The following TRAPPC9 variants were observed in gnomAD, a reference collection of about 807,000 sequenced individuals.
The protein encoded by TRAPPC9 is IKK2 binding protein.
A neutral mutation model predicts 124.0 loss-of-function variants in TRAPPC9; 83 were observed. The ratio of observed to expected loss-of-function variants is 0.67; its 90% confidence interval spans 0.56 to 0.80. TRAPPC9 has a LOEUF of 0.80. Ranked by LOEUF, TRAPPC9 falls within the 30% of genes least tolerant of loss-of-function variation. The pLI is 0.00. For synonymous variants in TRAPPC9, 638 were observed against 617.5 expected (o/e 1.03, Z -0.49); for missense variants, 1,302 against 1,508.3 (o/e 0.86, Z 2.27).
intron 10 of TRAPPC9, among the ~76,000 whole-genome samples, chr8:140,305,941 TG>T (rs2066117446): frequency 2.0e-5 from 3 of 152,252 alleles, no homozygotes; most frequent in Non-Finnish European, 4.4e-5. Flanking sequence ...ACAAGACTAC[TG>T]AACAAAAGCC....
At position 140,438,927 on chromosome 8, in the gene TRAPPC9, T is replaced by C. The variant is rs114562350; in HGVS notation, c.730+125A>G. 2.4e-3 allele frequency: 2,825 copies of C among 1,155,236 alleles called. 29 individuals are homozygous for C. The African/African-American group carries it at 0.029, about 12-fold the overall frequency. 71.6% of individuals were successfully genotyped at this position (1,155,236 alleles called of 1,614,324 possible). A position where few individuals can be genotyped will look rare whatever the true frequency, so the allele number is the denominator to read the frequency against. ...GGATGGTCTCAATCTCTTGACCTCA[T>C]ATTTGGCCTGCCGTAGCCTCCCAAA... is the stretch of plus-strand genomic sequence containing the variant. On this transcript the variant is annotated intron_variant, in intron 3 of 22. Transcript: ENST00000438773.
At chr8:140,222,792 A>G (rs565293452) in intron 16 of TRAPPC9, among the ~76,000 whole-genome samples, 29 of 152,360 alleles carry the variant, frequency 1.9e-4, no homozygotes, top group African/African-American at 6.5e-4. Context: ...GGAGAAGTCT[A>G]CCTATGAGTA....
chr8:140,438,724 C>T (rs1192360863), intron 3 of TRAPPC9, among the ~76,000 whole-genome samples: 4 of 152,034 alleles, frequency 2.6e-5, no homozygotes, highest in African/African-American at 9.6e-5. Flanking sequence ...GATGGAGTCT[C>T]GCTCTGTTGC....
chr8:139,958,928 C>CAGGGGAGCCCTGCATTCCGAGTCACAT (rs1835179625), intron 19 of TRAPPC9, among the ~76,000 whole-genome samples: 24,487 of 116,666 alleles, frequency 0.21, 3,716 homozygotes, highest in East Asian at 0.51. Flanking sequence ...CCGAGTCACA[C>CAGGGGAGCCCTGCATTCCGAGTCACAT]GGGGGAGCAC....
chr8:140,107,216 A>G (rs779245053), intron 17 of TRAPPC9, among the ~76,000 whole-genome samples: 1 of 152,204 alleles, frequency 6.6e-6, no homozygotes, highest in Admixed American at 6.5e-5. Context: ...GGTTCAATTC[A>G]AATCCCCTCC....
intron 10 of TRAPPC9, among the ~76,000 whole-genome samples, chr8:140,305,100 G>A (rs1022375420): frequency 6.6e-6 from 1 of 152,206 alleles, no homozygotes; most frequent in African/African-American, 2.4e-5. Flanking sequence ...TTTCCCCAGT[G>A]TGACTGATAC....
intron 21 of TRAPPC9, among the ~76,000 whole-genome samples, chr8:139,866,150 C>T (rs1828522639): frequency 6.6e-6 from 1 of 152,196 alleles, no homozygotes; most frequent in Non-Finnish European, 1.5e-5. Context: ...TCTTATCATG[C>T]TGATGAAGCT....
chr8:139,990,419 G>A (rs1563670530), intron 18 of TRAPPC9, among the ~76,000 whole-genome samples: 3 of 152,162 alleles, frequency 2.0e-5, no homozygotes, highest in Admixed American at 6.5e-5. Context: ...GGTACAGGGG[G>A]TAGAGTGACA....
intron 21 of TRAPPC9, among the ~76,000 whole-genome samples, chr8:139,860,707 C>G (rs1828075245): frequency 6.6e-6 from 1 of 152,208 alleles, no homozygotes; most frequent in African/African-American, 2.4e-5. Context: ...GGTCAGCAAA[C>G]AAGTGCTAAC....
intron 21 of TRAPPC9, among the ~76,000 whole-genome samples, chr8:139,860,111 T>G (rs1587007433): frequency 6.6e-6 from 1 of 152,196 alleles, no homozygotes; most frequent in East Asian, 1.9e-4. Context: ...TGTCAGCACA[T>G]CCAGTAGCCG....
chr8:139,765,367 A>G (rs1286447303), intron 21 of TRAPPC9, among the ~76,000 whole-genome samples: 3 of 152,206 alleles, frequency 2.0e-5, no homozygotes, highest in Non-Finnish European at 2.9e-5. Flanking sequence ...GGACAGCACT[A>G]TTGTGTGGAC....
rs1465162584 is a variant in TRAPPC9 at position 139,728,263 on chromosome 8, G to C, written c.*2798C>G. Among the ~76,000 whole-genome samples, 3 of 152,144 alleles carry C rather than the reference G, an allele frequency of 2.0e-5. No homozygotes were observed. The highest frequency in any genetic ancestry group is 2.9e-5 in the Non-Finnish European group (2 of 68,036). ...GGAGCATGACGGCTGCATGATTATG[G>C]GGTCACCGGGCCTGTCCTGGCCCTG... On this transcript the variant is annotated 3_prime_UTR_variant, in exon 23 of 23. Coordinates refer to ENST00000438773, the MANE Select transcript of TRAPPC9 (RefSeq NM_001160372.4).
Position 139,827,187 on chromosome 8 carries a change from C to T in TRAPPC9, c.3055+58692G>A, listed in dbSNP as rs539251555. Among the ~76,000 whole-genome samples the T allele has an allele frequency of 1.9e-4, 29 of 152,368 alleles. No homozygotes were observed. In the South Asian group the frequency reaches 6.0e-3, roughly 32 times the overall value. ...GCTAGAGCCCGGGAAGCGCCTACAG[C>T]AGGTCTCGGCCTGGAGCAGGGCCTC... On this transcript the variant is annotated intron_variant, in intron 21 of 22. Coordinates refer to ENST00000438773, the MANE Select transcript of TRAPPC9 (RefSeq NM_001160372.4).
At chr8:140,429,210 T>A (rs2070540233) in intron 4 of TRAPPC9, among the ~76,000 whole-genome samples, 1 of 152,012 alleles carries the variant, frequency 6.6e-6, no homozygotes, top group South Asian at 2.1e-4. Context: ...GCCTCCCAAG[T>A]GGCTGGGACT....
intron 21 of TRAPPC9, among the ~76,000 whole-genome samples, chr8:139,772,243 G>A (rs1282545231): frequency 2.0e-5 from 3 of 152,246 alleles, no homozygotes; most frequent in East Asian, 3.8e-4. Flanking sequence ...GTCTGTGCCT[G>A]TGGCCCTACA....
chr8:140,398,144 G>A (rs1214365244), intron 6 of TRAPPC9, among the ~76,000 whole-genome samples: 1 of 152,152 alleles, frequency 6.6e-6, no homozygotes, highest in Non-Finnish European at 1.5e-5. Context: ...ATGATTGTGA[G>A]GCTTCCCCAG....
At chr8:139,869,055 A>T (rs1312728858) in intron 21 of TRAPPC9, among the ~76,000 whole-genome samples, 1 of 152,254 alleles carries the variant, frequency 6.6e-6, no homozygotes, top group Non-Finnish European at 1.5e-5. Context: ...AAAAATTACA[A>T]ACACAAAAAG....
At chr8:139,838,548 A>C (rs116769066) in intron 21 of TRAPPC9, among the ~76,000 whole-genome samples, 297 of 152,274 alleles carry the variant, frequency 2.0e-3, no homozygotes, top group African/African-American at 6.5e-3. Flanking sequence ...GAGCCCCCCA[A>C]GGAAGAGAAT....
chr8:140,004,292 G>A (rs2131814194), intron 18 of TRAPPC9, among the ~76,000 whole-genome samples: 1 of 152,160 alleles, frequency 6.6e-6, no homozygotes, highest in Admixed American at 6.5e-5. Context: ...TATCTGTGTT[G>A]CTCATTAAAG....
Sources: allele counts gnomAD v4.1 joint callset (sites outside exome capture counted in the v4.1 genomes callset), GRCh38; gene constraint gnomAD v4.1.1; transcripts MANE v1.5; gene names NCBI Gene and HGNC (gene_info 2026-07-23, HGNC 2026-07-21).